The following VPS13B variants were observed in gnomAD, a reference collection of about 807,000 sequenced individuals.
VPS13B encodes intermembrane lipid transfer protein VPS13B.
VPS13B carries 285 observed loss-of-function variants against 426.4 expected under a neutral mutation model. The observed-to-expected ratio is 0.67, with a 90% CI of 0.61 to 0.74. The LOEUF (loss-of-function observed/expected upper bound fraction) is 0.74. Among genes scored for constraint, VPS13B ranks in the 30% least tolerant of loss-of-function variants. The probability of loss-of-function intolerance (pLI) is 0.00; values close to 1 mark genes in which losing one functional copy is unlikely to be tolerated. For synonymous variants in VPS13B, 1,676 were observed against 1,676.4 expected, an observed-to-expected ratio of 1.00 and a Z score of 0.01; for missense variants, 4,537 against 4,782.6, an observed-to-expected ratio of 0.95 and a Z score of 1.51.
At chr8:99,808,287 G>A (rs1358482582) in intron 43 of VPS13B, among the ~76,000 whole-genome samples, 2 of 152,020 alleles carry the variant, frequency 1.3e-5, no homozygotes, top group African/African-American at 4.8e-5. Context: ...TTGGGAGGCC[G>A]AGGCAAGCGA....
At chr8:99,752,634 G>A (rs1211498728) in intron 39 of VPS13B, among the ~76,000 whole-genome samples, 1 of 152,144 alleles carries the variant, frequency 6.6e-6, no homozygotes, top group Admixed American at 6.6e-5. Flanking sequence ...AATATGCTAA[G>A]TTGACTTTTT....
chr8:99,111,145 G>A lies in VPS13B; in HGVS notation c.628G>A (p.Val210Ile). The A allele has an allele frequency of 1.2e-6, 2 of 1,606,766 alleles. No homozygotes were observed. The highest frequency in any genetic ancestry group is 2.7e-5 in the African/African-American group (2 of 74,784). Reference protein sequence around the residue: ...RKVINFSDCTVCLDKRNASGK... With the variant: ...RKVINFSDCTICLDKRNASGK... The stretch of plus-strand genomic sequence containing the variant: ...GGTTATCAATTTTTCTGACTGTACA[G>A]TTTGTCTTGATAAACGGAATGCCAG... Residue 210 changes from valine (V) to isoleucine (I), a missense_variant, in exon 6 of 62, where the codon GTT becomes ATT. By Grantham distance (29) the Val-to-Ile change is conservative. Transcript: ENST00000357162.
chr8:99,255,936 T>C (rs1817723265), intron 17 of VPS13B, among the ~76,000 whole-genome samples: 1 of 152,132 alleles, frequency 6.6e-6, no homozygotes, highest in Admixed American at 6.6e-5. Flanking sequence ...GATGTTGGGG[T>C]TCATGTTAGA....
At chr8:99,703,438 T>C (rs955101686) in intron 36 of VPS13B, among the ~76,000 whole-genome samples, 10 of 152,202 alleles carry the variant, frequency 6.6e-5, no homozygotes, top group African/African-American at 2.2e-4. Flanking sequence ...CCAAAACTTC[T>C]GATTTCAGTA....
At chr8:99,061,820 C>G (rs941878838) in intron 3 of VPS13B, among the ~76,000 whole-genome samples, 2 of 152,150 alleles carry the variant, frequency 1.3e-5, no homozygotes, top group Non-Finnish European at 2.9e-5. Context: ...TGTCATAACT[C>G]TTACTTCTGT....
At chr8:99,308,334 C>G (rs1184257663) in intron 19 of VPS13B, among the ~76,000 whole-genome samples, 1 of 152,134 alleles carries the variant, frequency 6.6e-6, no homozygotes, top group Non-Finnish European at 1.5e-5. Context: ...CCCCTCTCCC[C>G]CAACCCCATG....
intron 23 of VPS13B, among the ~76,000 whole-genome samples, chr8:99,444,682 TA>T (rs1817828401): frequency 6.6e-6 from 1 of 152,138 alleles, no homozygotes; most frequent in African/African-American, 2.4e-5. Flanking sequence ...TTTATTTATT[TA>T]TTTTTTTGGA....
At chr8:99,480,596 A>G (rs1338682008) in intron 24 of VPS13B, among the ~76,000 whole-genome samples, 2 of 152,190 alleles carry the variant, frequency 1.3e-5, no homozygotes, top group Admixed American at 6.5e-5. Context: ...GACCTTTTTA[A>G]TAAGATTTTT....
At chr8:99,593,633 A>G (rs1055096687) in intron 33 of VPS13B, among the ~76,000 whole-genome samples, 6 of 151,892 alleles carry the variant, frequency 4.0e-5, no homozygotes, top group Non-Finnish European at 7.4e-5. Context: ...CACTATTCAC[A>G]ATAGCAAAGA....
At chr8:99,124,344 T>C (rs1166741355) in intron 8 of VPS13B, among the ~76,000 whole-genome samples, 1 of 152,190 alleles carries the variant, frequency 6.6e-6, no homozygotes, top group African/African-American at 2.4e-5. Context: ...GCGTCTGCTG[T>C]GGAATATAGT....
chr8:99,603,969 A>C (rs746322382), intron 33 of VPS13B, among the ~76,000 whole-genome samples: 1 of 152,188 alleles, frequency 6.6e-6, no homozygotes, highest in Non-Finnish European at 1.5e-5. Flanking sequence ...ATAAATCAAA[A>C]TCTAGAAAAA....
At chr8:99,623,291 C>T (rs1828447611) in intron 33 of VPS13B, among the ~76,000 whole-genome samples, 1 of 152,174 alleles carries the variant, frequency 6.6e-6, no homozygotes, top group African/African-American at 2.4e-5. Context: ...ATGAGGCCTA[C>T]CATGACTTCC....
intron 42 of VPS13B, among the ~76,000 whole-genome samples, chr8:99,779,470 G>A (rs931393504): frequency 9.2e-5 from 14 of 152,020 alleles, no homozygotes; most frequent in African/African-American, 2.9e-4. Flanking sequence ...AAAAAGCAGC[G>A]AGATGAAATA....
chr8:99,449,670 A>G (rs1818091881), intron 23 of VPS13B, among the ~76,000 whole-genome samples: 1 of 152,218 alleles, frequency 6.6e-6, no homozygotes, highest in Non-Finnish European at 1.5e-5. Context: ...CACTAGTCTT[A>G]TGGCTTAAGA....
chr8:99,691,119 T>C (rs1434441028), intron 35 of VPS13B, among the ~76,000 whole-genome samples: 1 of 152,156 alleles, frequency 6.6e-6, no homozygotes, highest in South Asian at 2.1e-4. Context: ...AAAAATCACA[T>C]ATTATATGAT....
chr8:99,480,851 G>A (rs1477101197), intron 24 of VPS13B, among the ~76,000 whole-genome samples: 1 of 152,094 alleles, frequency 6.6e-6, no homozygotes, highest in African/African-American at 2.4e-5. Context: ...GCAGAATATG[G>A]TGTCCAGCTG....
At chr8:99,497,685 G>C (rs1821002851) in intron 25 of VPS13B, among the ~76,000 whole-genome samples, 1 of 152,054 alleles carries the variant, frequency 6.6e-6, no homozygotes, top group African/African-American at 2.4e-5. Context: ...AGAGTTTGCT[G>C]TAGTAGCAAA....
At chr8:99,127,649 G>A (rs1378312079) in intron 8 of VPS13B, among the ~76,000 whole-genome samples, 1 of 152,056 alleles carries the variant, frequency 6.6e-6, no homozygotes, top group African/African-American at 2.4e-5. Flanking sequence ...AAGGCTCCAG[G>A]AAACCTTTGC....
At chr8:99,333,375 A>G (rs922833656) in intron 19 of VPS13B, among the ~76,000 whole-genome samples, 1 of 151,784 alleles carries the variant, frequency 6.6e-6, no homozygotes, top group Non-Finnish European at 1.5e-5. Context: ...ACAAAATAAT[A>G]CGGAAGGATC....
Sources: gnomAD v4.1 joint callset for allele counts (sites outside exome capture counted in the v4.1 genomes callset) on GRCh38, gnomAD v4.1.1 for gene constraint, MANE v1.5 for transcripts, NCBI Gene and HGNC (gene_info 2026-07-23, HGNC 2026-07-21) for gene names.